Variants in GALNT14 observed in about 807,000 individuals in gnomAD.
The protein encoded by GALNT14 is UDP-GalNAc:polypeptide N-acetylgalactosaminyltransferase 14.
A neutral mutation model predicts 77.5 loss-of-function variants in GALNT14; 60 were observed. That is an observed-to-expected ratio of 0.77 (90% CI 0.63 to 0.96). The LOEUF (loss-of-function observed/expected upper bound fraction) is 0.96. Ranked by LOEUF, GALNT14 falls within the 40% of genes least tolerant of loss-of-function variation. The probability of loss-of-function intolerance (pLI) is 0.00; values close to 1 mark genes in which losing one functional copy is unlikely to be tolerated. For synonymous variants in GALNT14, 280 were observed against 281.7 expected (o/e 0.99, Z 0.06); for missense variants, 710 against 731.0 (o/e 0.97, Z 0.33).
downstream of GALNT14, among the ~76,000 whole-genome samples, chr2:30,906,247 A>G (rs1212442570): frequency 2.6e-5 from 4 of 151,576 alleles, no homozygotes; most frequent in Admixed American, 1.3e-4. Flanking sequence ...AAATGCTCCA[A>G]TTAAAAGACA....
intron 2 of GALNT14, among the ~76,000 whole-genome samples, chr2:30,969,474 G>A (rs1462215595): frequency 6.6e-6 from 1 of 152,184 alleles, no homozygotes; most frequent in Non-Finnish European, 1.5e-5. Context: ...GGGGACAGGG[G>A]CCATTTGTCC....
At chr2:30,956,685 G>A (rs753036702) in intron 4 of GALNT14, among the ~76,000 whole-genome samples, 8 of 152,054 alleles carry the variant, frequency 5.3e-5, no homozygotes, top group Non-Finnish European at 8.8e-5. Flanking sequence ...TTATGTATTT[G>A]TAGTAAAGAC....
chr2:31,104,194 T>C (rs944385709), intron 1 of GALNT14, among the ~76,000 whole-genome samples: 1 of 152,214 alleles, frequency 6.6e-6, no homozygotes. Flanking sequence ...TTTTATTTAT[T>C]GTTTACTTCA....
At chr2:31,111,439 G>T (rs948301420) in intron 1 of GALNT14, among the ~76,000 whole-genome samples, 2 of 152,208 alleles carry the variant, frequency 1.3e-5, no homozygotes, top group African/African-American at 4.8e-5. Context: ...TCAACAACAG[G>T]AAAGCCAAAA....
chr2:30,919,734 G>A (rs1385173275), intron 13 of GALNT14, among the ~76,000 whole-genome samples: 1 of 152,202 alleles, frequency 6.6e-6, no homozygotes, highest in East Asian at 1.9e-4. Flanking sequence ...GCCCAAGGGG[G>A]ACCATTTAGT....
chr2:30,960,833 C>G (rs954688447), intron 3 of GALNT14, among the ~76,000 whole-genome samples: 1 of 152,194 alleles, frequency 6.6e-6, no homozygotes, highest in South Asian at 2.1e-4. Flanking sequence ...TCGTCCAGGC[C>G]CAGCAGAGGA....
intron 6 of GALNT14, among the ~76,000 whole-genome samples, chr2:30,954,935 G>A (rs1361963183): frequency 1.3e-5 from 2 of 152,202 alleles, no homozygotes; most frequent in East Asian, 1.9e-4. Flanking sequence ...AACACAGTAC[G>A]AATGCTAGTC....
intron 13 of GALNT14, among the ~76,000 whole-genome samples, chr2:30,918,339 C>G (rs988983164): frequency 3.3e-5 from 5 of 152,256 alleles, no homozygotes; most frequent in African/African-American, 1.2e-4. Context: ...AGTTACTCAA[C>G]TCTGTACCAC....
chr2:31,052,939 C>G (rs890000826), intron 1 of GALNT14, among the ~76,000 whole-genome samples: 2 of 152,098 alleles, frequency 1.3e-5, no homozygotes, highest in East Asian at 3.9e-4. Flanking sequence ...GGAGGAGAGC[C>G]GTGAGGGCTA....
Position 31,030,014 on chromosome 2 carries a change from T to C in GALNT14, c.130-37007A>G, listed in dbSNP as rs369959744. ...GCGCAGGCACAGAACATCATTTCTA[T>C]GACAGCATTGTGCATATCATACAGA... On this transcript the variant is annotated intron_variant, in intron 1 of 14. Transcript: ENST00000349752. Among the ~76,000 whole-genome samples, 10 of 152,370 alleles carry C rather than the reference T, an allele frequency of 6.6e-5. No homozygotes were observed. In the East Asian group the frequency reaches 1.2e-3, roughly 18 times the overall value.
intron 1 of GALNT14, among the ~76,000 whole-genome samples, chr2:31,016,248 T>C (rs1391146267): frequency 6.6e-6 from 1 of 152,182 alleles, no homozygotes; most frequent in Non-Finnish European, 1.5e-5. Flanking sequence ...TTTTTCTCTG[T>C]GTGTACATCC....
intron 2 of GALNT14, among the ~76,000 whole-genome samples, chr2:30,982,722 T>C (rs1402341283): frequency 6.6e-6 from 1 of 152,242 alleles, no homozygotes; most frequent in African/African-American, 2.4e-5. Context: ...AGGTACTTGA[T>C]GCAGGAACAT....
intron 1 of GALNT14, among the ~76,000 whole-genome samples, chr2:31,026,132 A>G (rs2148469834): frequency 6.6e-6 from 1 of 152,320 alleles, no homozygotes; most frequent in Non-Finnish European, 1.5e-5. Flanking sequence ...AGTCCACCAG[A>G]GACCCCTGTG....
At chr2:31,010,752 C>A (rs374440587) in intron 1 of GALNT14, among the ~76,000 whole-genome samples, 2 of 152,350 alleles carry the variant, frequency 1.3e-5, no homozygotes, top group African/African-American at 4.8e-5. Flanking sequence ...ACTCTCCACA[C>A]TTACCCCTCC....
intron 1 of GALNT14, among the ~76,000 whole-genome samples, chr2:31,125,834 C>T (rs1242229837): frequency 2.0e-5 from 3 of 152,198 alleles, no homozygotes; most frequent in Admixed American, 2.0e-4. Context: ...ATGCTAAATA[C>T]AGGACGATTC....
chr2:30,889,567 G>A, the GALNT14 span, among the ~76,000 whole-genome samples: 13,454 of 152,232 alleles, frequency 0.088, 976 homozygotes, highest in East Asian at 0.35. Context: ...CCACCTTGTG[G>A]GTGAGGGGAA....
chr2:30,890,982 A>G, the GALNT14 span, among the ~76,000 whole-genome samples: 2 of 152,182 alleles, frequency 1.3e-5, no homozygotes, highest in Non-Finnish European at 2.9e-5. Flanking sequence ...GAGGACAGAG[A>G]AAAGTCATGC....
At chr2:30,988,058 C>G (rs900114380) in intron 2 of GALNT14, among the ~76,000 whole-genome samples, 5 of 152,148 alleles carry the variant, frequency 3.3e-5, no homozygotes, top group Non-Finnish European at 7.4e-5. Flanking sequence ...CCCTGAGGAT[C>G]GAAGGGTGAG....
At chr2:31,095,305 C>T (rs1239983194) in intron 1 of GALNT14, among the ~76,000 whole-genome samples, 2 of 152,154 alleles carry the variant, frequency 1.3e-5, no homozygotes, top group African/African-American at 2.4e-5. Context: ...AGTTGTGCTA[C>T]CAAATGTGCA....
Sources: allele counts gnomAD v4.1 joint callset (sites outside exome capture counted in the v4.1 genomes callset), GRCh38; gene constraint gnomAD v4.1.1; transcripts MANE v1.5; gene names NCBI Gene and HGNC (gene_info 2026-07-23, HGNC 2026-07-21).